Variants in TANGO2 observed in about 807,000 individuals in gnomAD.
TANGO2 encodes transport and Golgi organization protein 2 homolog.
A neutral mutation model predicts 39.1 loss-of-function variants in TANGO2; 26 were observed. The observed-to-expected ratio is 0.67, with a 90% CI of 0.49 to 0.92. The LOEUF is 0.92. Ranked by LOEUF, TANGO2 falls within the 40% of genes least tolerant of loss-of-function variation. The probability of loss-of-function intolerance (pLI) is 0.00; values close to 1 mark genes in which losing one functional copy is unlikely to be tolerated. For synonymous variants in TANGO2, 131 were observed against 144.5 expected, an observed-to-expected ratio of 0.91 and a Z score of 0.67; for missense variants, 326 against 360.1, an observed-to-expected ratio of 0.91 and a Z score of 0.77.
chr22:20,030,236 C>T (rs191235809), intron 1 of TANGO2, among the ~76,000 whole-genome samples: 126 of 149,676 alleles, frequency 8.4e-4, no homozygotes, highest in African/African-American at 2.9e-3. Flanking sequence ...GGCACGATCT[C>T]GGTTCACTGC....
intron 3 of TANGO2, among the ~76,000 whole-genome samples, chr22:20,045,670 A>C (rs978247179): frequency 4.0e-5 from 6 of 151,794 alleles, no homozygotes; most frequent in African/African-American, 1.4e-4. Context: ...CACCAGGCTA[A>C]TTTTGTATTT....
At chr22:20,064,382 C>T (rs1029235784) in intron 8 of TANGO2, among the ~76,000 whole-genome samples, 160 bp from the exon 9 acceptor site, 2 of 152,208 alleles carry the variant, frequency 1.3e-5, no homozygotes, top group African/African-American at 4.8e-5. Context: ...GGCCCCTCAT[C>T]ATCCCCAAGA....
At chr22:20,059,253 C>T (rs2047931911) in intron 6 of TANGO2, among the ~76,000 whole-genome samples, 1 of 152,172 alleles carries the variant, frequency 6.6e-6, no homozygotes, top group South Asian at 2.1e-4. Flanking sequence ...ACCCTCGAGC[C>T]AGTTGGTACT....
At position 20,064,652 on chromosome 22, in the gene TANGO2, T is replaced by A; in HGVS notation, c.821T>A (p.Leu274Gln). 1 of 1,614,108 alleles carries A rather than the reference T, an allele frequency of 6.2e-7. No homozygotes were observed. The highest frequency in any genetic ancestry group is 8.5e-7 in the Non-Finnish European group (1 of 1,179,984). Reference sequence around the variant, plus strand: ...GAGACCAGAACCTATGAGTTCACACTGCAGAGCTAACCCCACCTCTGGGCC... The same window carrying A: ...GAGACCAGAACCTATGAGTTCACACAGCAGAGCTAACCCCACCTCTGGGCC... ...HWETRTYEFT[L>Q]QS The change falls in exon 9 of 9, where the codon CTG becomes CAG. Residue 274 changes from leucine to glutamine, a missense_variant. Leu to Gln is a moderately radical substitution (Grantham distance 113, BLOSUM62 -2). Coordinates refer to ENST00000327374, the MANE Select transcript of TANGO2 (RefSeq NM_152906.7).
chr22:20,052,231 G>A (rs1296540114), intron 3 of TANGO2, among the ~76,000 whole-genome samples: 1 of 152,238 alleles, frequency 6.6e-6, no homozygotes, highest in Non-Finnish European at 1.5e-5. Flanking sequence ...TGTCATAGTT[G>A]TCCTGCAGGA....
chr22:20,061,891 G>A, intron 7 of TANGO2: 2 of 616,862 alleles, frequency 3.2e-6, no homozygotes, highest in Non-Finnish European at 5.3e-6. Context: ...GACAGAAGAT[G>A]GGCCCAGGCC....
In TANGO2 at chr22:20,055,975, G is replaced by A. The variant is rs1260300914; in HGVS notation, c.413G>A (p.Gly138Glu). Residue 138 changes from glycine (G) to glutamate (E), a missense_variant, in exon 6 of 9, where the codon GGG (glycine) becomes GAG (glutamate). By Grantham distance (98) the Gly-to-Glu change is moderately conservative (BLOSUM62 -2). Coordinates refer to ENST00000327374, the MANE Select transcript of TANGO2 (RefSeq NM_152906.7). ...AAGGGAGACGTCATTTGCTACTATG[G>A]GAACCGAGGGGAGCCTGATCCTATC... ...TAKGDVICYY[G>E]NRGEPDPIVL... 1 of 1,614,022 alleles carries A rather than the reference G, an allele frequency of 6.2e-7. No homozygotes were observed. Among genetic ancestry groups the A allele is most frequent in the African/African-American group, 1.3e-5 (1 of 74,932 alleles).
intron 3 of TANGO2, among the ~76,000 whole-genome samples, chr22:20,052,259 C>T (rs566533262): frequency 7.8e-4 from 119 of 152,316 alleles, no homozygotes; most frequent in African/African-American, 2.5e-3. Context: ...CTCACTTGCA[C>T]GACCCATGAA....
chr22:20,057,200 C>T lies in TANGO2; in HGVS notation c.451+1187C>T, dbSNP rs977332039. Reference sequence around the variant, plus strand: ...GGACAGCTGAGTGGCCCCATCCCACCTGCATCTTAGGGGGCTGGTGGTGCT... The same window carrying T: ...GGACAGCTGAGTGGCCCCATCCCACTTGCATCTTAGGGGGCTGGTGGTGCT... On this transcript the variant is annotated intron_variant, in intron 6 of 8. Coordinates refer to ENST00000327374, the MANE Select transcript of TANGO2 (RefSeq NM_152906.7). The surrounding 1 kb of genome is among the most constrained non-coding windows in gnomAD (Gnocchi z 4.1). 1.4e-4 allele frequency among the ~76,000 whole-genome samples: 21 copies of T among 152,190 alleles called. No individual in the cohort carries two copies. The highest frequency in any genetic ancestry group is 2.7e-4 in the African/African-American group (11 of 41,454).
rs142149828 is a variant in TANGO2, at chr22:20,036,847, G to C, written c.49G>C (p.Ala17Pro). The change falls in exon 2 of 9, where the codon GCG becomes CCG. Residue 17 changes from alanine to proline, a missense_variant. Ala to Pro is a conservative substitution (Grantham distance 27). Coordinates refer to ENST00000327374, the MANE Select transcript of TANGO2 (RefSeq NM_152906.7). ...KFDPRPVSKN[A>P]YRLILAANRD... The stretch of plus-strand genomic sequence containing the variant: ...TGATCCTCGCCCTGTTTCCAAAAAC[G>C]CGTACAGGTAACCCCCTCGCTCTGC... 1.2e-6 allele frequency: 2 copies of C among 1,614,168 alleles called. No homozygotes were observed. The highest frequency in any genetic ancestry group is 1.1e-5 in the South Asian group (1 of 91,084).
chr22:20,033,332 GC>G (rs2042229478), intron 1 of TANGO2: 4 of 414,550 alleles, frequency 9.6e-6, no homozygotes, highest in South Asian at 3.5e-5. Flanking sequence ...AGCCCTCCCT[GC>G]CACTGGTGCC....
At chr22:20,019,870 G>A (rs1050394165), upstream of TANGO2, among the ~76,000 whole-genome samples, 4 of 152,240 alleles carry the variant, frequency 2.6e-5, no homozygotes, top group East Asian at 1.9e-4. Context: ...CTGGGTCTGC[G>A]GCCCGCTGGC....
chr22:20,040,205 A>G (rs2043643536), intron 2 of TANGO2, among the ~76,000 whole-genome samples: 1 of 152,208 alleles, frequency 6.6e-6, no homozygotes, highest in African/African-American at 2.4e-5. Context: ...GCTAAACATG[A>G]CTGCTGGAAC....
intron 1 of TANGO2, among the ~76,000 whole-genome samples, chr22:20,022,209 G>A (rs1022848041): frequency 2.0e-5 from 3 of 152,252 alleles, no homozygotes; most frequent in African/African-American, 7.2e-5. Flanking sequence ...TAAGGTGGCA[G>A]ATCGTGTTCC....
Position 20,061,577 on chromosome 22 carries a change from C to G in TANGO2, c.499C>G (p.Leu167Val), listed in dbSNP as rs267606177. The G allele has an allele frequency of 6.2e-7, 1 of 1,604,354 alleles. No homozygotes were observed. The highest frequency in any genetic ancestry group is 1.7e-5 in the Admixed American group (1 of 58,708). ...NALLETPWRK[L>V]CFGKQLFLEA... ...GCTGCTGGAGACTCCCTGGAGGAAG[C>G]TGTGCTTTGGGAAGCAGCTCTTCCT... Residue 167 changes from leucine to valine, a missense_variant, in exon 7 of 9, where the codon CTG becomes GTG. By Grantham distance (32) the Leu-to-Val change is conservative (BLOSUM62 1). Transcript: ENST00000327374.
intron 2 of TANGO2, among the ~76,000 whole-genome samples, chr22:20,040,877 T>A (rs958076077): frequency 1.1e-4 from 16 of 151,824 alleles, no homozygotes; most frequent in Non-Finnish European, 1.6e-4. Flanking sequence ...AGAGACCACC[T>A]CCCCCTACCC....
At chr22:20,060,272 C>G (rs925246583) in intron 6 of TANGO2, among the ~76,000 whole-genome samples, 2 of 149,758 alleles carry the variant, frequency 1.3e-5, no homozygotes, top group African/African-American at 4.9e-5. Flanking sequence ...TGGCGTGAAC[C>G]CGGGAGGTGG....
At chr22:20,037,257 G>A (rs1478910586) in intron 2 of TANGO2, among the ~76,000 whole-genome samples, 1 of 152,176 alleles carries the variant, frequency 6.6e-6, no homozygotes, top group South Asian at 2.1e-4. Flanking sequence ...CAGGCTAGGG[G>A]TCTGTGGGTG....
At chr22:20,035,347 A>T (rs554230758) in intron 1 of TANGO2, among the ~76,000 whole-genome samples, 3 of 152,300 alleles carry the variant, frequency 2.0e-5, no homozygotes, top group Non-Finnish European at 4.4e-5. Context: ...TTCTCAGAGG[A>T]ATCTTTTTGG....
Sources: allele counts gnomAD v4.1 joint callset (sites outside exome capture counted in the v4.1 genomes callset), GRCh38; gene constraint gnomAD v4.1.1; non-coding constraint Gnocchi (gnomAD v3.1); transcripts MANE v1.5; gene names NCBI Gene and HGNC (gene_info 2026-07-23, HGNC 2026-07-21).